The following ANKLE2 variants were observed in gnomAD, a reference collection of about 807,000 sequenced individuals.
ANKLE2 encodes the protein ankyrin repeat and LEM domain-containing protein 2.
Under a neutral mutation model 84.2 loss-of-function variants are expected in ANKLE2, and 55 were observed. The ratio of observed to expected loss-of-function variants is 0.65; its 90% CI spans 0.53 to 0.82. The LOEUF is 0.82. Among genes scored for constraint, ANKLE2 ranks in the 40% least tolerant of loss-of-function variants. The pLI, the probability that ANKLE2 is intolerant of heterozygous loss-of-function variation, is 0.00. For missense variants in ANKLE2, 1,238 were observed against 1,201.9 expected (o/e 1.03, Z -0.44); for synonymous variants, 551 against 486.1 (o/e 1.13, Z -1.76).
intron 9 of ANKLE2, 123 bp from the exon 10 acceptor site, chr12:132,734,698 C>T: frequency 9.8e-7 from 1 of 1,020,628 alleles, no homozygotes; most frequent in Non-Finnish European, 1.4e-6. Flanking sequence ...TTATAATTTT[C>T]CTTTATCCTT....
rs754275836 is a variant in ANKLE2 at position 132,735,522 on chromosome 12, A to AAAAAAAAT, written c.1594-18_1594-11dup. ...TGCGAAAATCTTCTGCCTATGAAGAAAAAAAAATGTATTGAGCCGTGTCAG... is the reference window on the plus strand; with the variant it reads ...TGCGAAAATCTTCTGCCTATGAAGAAAAAAAAATAAAAAAATGTATTGAGCCGTGTCAG... On this transcript the variant is annotated splice_polypyrimidine_tract_variant and intron_variant, in intron 8 of 12. Transcript: ENST00000357997. 12 of 1,608,762 alleles carry AAAAAAAAT rather than the reference A, an allele frequency of 7.5e-6. No homozygotes were observed. Among genetic ancestry groups the AAAAAAAAT allele is most frequent in the Non-Finnish European group, 1.0e-5 (12 of 1,177,730 alleles).
At chr12:132,761,159 A>ACCCCTGAGTTACATTTG in intron 1 of ANKLE2, 1 of 154,344 alleles carries the variant, frequency 6.5e-6, no homozygotes, top group Admixed American at 6.5e-5. Flanking sequence ...CTGGCCCCAA[A>ACCCCTGAGTTACATTTG]CCCCTGAGTT....
intron 7 of ANKLE2, chr12:132,738,006 C>T (rs1289101725): frequency 1.3e-5 from 2 of 152,408 alleles, no homozygotes; most frequent in Non-Finnish European, 2.9e-5. Context: ...ATTCCACCTC[C>T]ACCTCCAAAA....
At position 132,743,093 on chromosome 12, in the gene ANKLE2, G is replaced by A. The variant is rs1051149848; in HGVS notation, c.1353+61C>T. 148 of 1,494,836 alleles carry A rather than the reference G, an allele frequency of 9.9e-5. No homozygotes were observed. Among genetic ancestry groups the A allele is most frequent in the Middle Eastern group, 2.2e-4 (1 of 4,558 alleles). The allele number at this position is 1,494,836 out of a possible 1,614,324, so 92.6% of individuals were successfully genotyped here. On this transcript the variant is annotated intron_variant, in intron 6 of 12. Transcript: ENST00000357997. The surrounding 1 kb of genome is among the most constrained non-coding windows in gnomAD (Gnocchi z 4.1). Reference sequence around the variant, plus strand: ...TTCCCTGTGCCTGTGATCACAGACTGTAAATTTATATATTTCCATTTCTAA... The same window carrying A: ...TTCCCTGTGCCTGTGATCACAGACTATAAATTTATATATTTCCATTTCTAA...
At chr12:132,746,443 C>T (rs1224823688) in intron 5 of ANKLE2, among the ~76,000 whole-genome samples, 1 of 151,898 alleles carries the variant, frequency 6.6e-6, no homozygotes, top group Non-Finnish European at 1.5e-5. Flanking sequence ...CCTCCTCCTT[C>T]CCTAACTCAC....
intron 9 of ANKLE2, 125 bp downstream of exon 9, chr12:132,735,281 G>A (rs1038043685): frequency 1.1e-6 from 1 of 895,420 alleles, no homozygotes; most frequent in Non-Finnish European, 1.8e-6. Flanking sequence ...TTCACGAAAA[G>A]GACCAAGTCT....
intron 8 of ANKLE2, among the ~76,000 whole-genome samples, chr12:132,736,547 G>A (rs2044012909): frequency 7.0e-6 from 1 of 143,464 alleles, no homozygotes; most frequent in South Asian, 2.3e-4. Flanking sequence ...TAGTCACAAC[G>A]GGCAGCCTCG....
chr12:132,735,479 G>A lies in ANKLE2; in HGVS notation c.1627C>T (p.Pro543Ser), dbSNP rs764711792. ...TGAAGGAAGCCTGCTTTCTCTCGAG[G>A]TGGAGTTTTCCAGAGCTTGCGAAAA... The part of the protein sequence containing the change: ...EDFRKLWKTP[P>S]REKAGFLHHV... Residue 543 changes from proline (P) to serine (S), a missense_variant, in exon 9 of 13, where the codon CCT (proline) becomes TCT (serine). Coordinates refer to ENST00000357997, the MANE Select transcript of ANKLE2 (RefSeq NM_015114.3). The A allele has an allele frequency of 5.0e-6, 8 of 1,613,762 alleles. No individual in the cohort carries two copies. Among genetic ancestry groups the A allele is most frequent in the Non-Finnish European group, 6.8e-6 (8 of 1,179,974 alleles).
At chr12:132,747,043 C>CG (rs756348730) in intron 5 of ANKLE2, among the ~76,000 whole-genome samples, 1 of 152,152 alleles carries the variant, frequency 6.6e-6, no homozygotes, top group South Asian at 2.1e-4. Flanking sequence ...GGGCCTGGCC[C>CG]GGGGGGCACT....
chr12:132,755,258 T>C (rs752260398), intron 1 of ANKLE2, 125 bp from the exon 2 acceptor site: 43 of 979,106 alleles, frequency 4.4e-5, no homozygotes, highest in Non-Finnish European at 6.2e-5. Flanking sequence ...AAACTTTTTT[T>C]CTTGGCTGGA....
intron 5 of ANKLE2, among the ~76,000 whole-genome samples, chr12:132,744,752 C>T (rs1361824434): frequency 2.6e-5 from 4 of 152,134 alleles, no homozygotes; most frequent in African/African-American, 9.7e-5. Context: ...GTGATATGGG[C>T]TTACTGCAAG....
At chr12:132,759,143 ACG>A (rs1447112691) in intron 1 of ANKLE2, 1 of 59,574 alleles carries the variant, frequency 1.7e-5, no homozygotes. Flanking sequence ...CGGGGCACCC[ACG>A]TGGCAGAGAG....
In ANKLE2 at chr12:132,755,160, A is replaced by C. The variant is rs181941442; in HGVS notation, c.182-27T>G. On this transcript the variant is annotated intron_variant, in intron 1 of 12. Transcript: ENST00000357997. ...TAGGCCCAAGACAAAAAAATCAAAG[A>C]GTCACAAAATACTAACACCTGCTGA... 1,997 of 1,566,262 alleles carry C rather than the reference A, an allele frequency of 1.3e-3. 17 individuals carry two copies. The highest frequency in any genetic ancestry group is 8.7e-3 in the East Asian group (390 of 44,678).
intron 1 of ANKLE2, chr12:132,757,629 T>C (rs2044513967): frequency 6.6e-6 from 1 of 152,174 alleles, no homozygotes; most frequent in South Asian, 2.1e-4. Context: ...GAGACTATCC[T>C]GGCAAACACG....
Position 132,727,589 on chromosome 12 carries a change from C to T in ANKLE2, c.2616-146G>A, listed in dbSNP as rs1159715830. The T allele has an allele frequency of 1.1e-4, 76 of 702,500 alleles. 3 individuals are homozygous for T. The highest frequency in any genetic ancestry group is 1.1e-3 in the African/African-American group (58 of 54,790). The allele number at this position is 702,500 out of a possible 1,614,324, so 43.5% of individuals were successfully genotyped here. ...TGAACCCTGGCACCGCGGGCACACACGCCCGGGTGGAAGAGACGCACTGCT... is the reference window on the plus strand; with the variant it reads ...TGAACCCTGGCACCGCGGGCACACATGCCCGGGTGGAAGAGACGCACTGCT... On this transcript the variant is annotated intron_variant, in intron 12 of 12. Coordinates refer to ENST00000357997, the MANE Select transcript of ANKLE2 (RefSeq NM_015114.3).
chr12:132,746,897 G>C (rs975466770), intron 5 of ANKLE2, among the ~76,000 whole-genome samples: 21 of 152,190 alleles, frequency 1.4e-4, no homozygotes. Flanking sequence ...TTCTCAAGCA[G>C]GGCAGCTCCC....
chr12:132,736,456 G>A (rs2136125539), intron 8 of ANKLE2, among the ~76,000 whole-genome samples: 1 of 152,348 alleles, frequency 6.6e-6, no homozygotes, highest in Non-Finnish European at 1.5e-5. Context: ...CCAGGAGAGG[G>A]ACTTGTCTGA....
intron 8 of ANKLE2, 85 bp from the exon 9 acceptor site, chr12:132,735,597 T>G: frequency 9.3e-7 from 1 of 1,077,382 alleles, no homozygotes; most frequent in Non-Finnish European, 1.4e-6. Flanking sequence ...GTCATCGCAG[T>G]AGCTGCCTGT....
At chr12:132,727,795 C>T (rs1006022130) in intron 12 of ANKLE2, among the ~76,000 whole-genome samples, 1 of 152,058 alleles carries the variant, frequency 6.6e-6, no homozygotes, top group Non-Finnish European at 1.5e-5. Flanking sequence ...AGTAGAAACC[C>T]TGCTGCTTCC....
Sources: gnomAD v4.1 joint callset for allele counts (sites outside exome capture counted in the v4.1 genomes callset) on GRCh38, gnomAD v4.1.1 for gene constraint, Gnocchi (gnomAD v3.1) non-coding constraint, MANE v1.5 for transcripts, NCBI Gene and HGNC (gene_info 2026-07-23, HGNC 2026-07-21) for gene names.